Variants in ASAP1 observed in about 807,000 individuals in gnomAD.
ASAP1 encodes the protein ArfGAP with SH3 domain, ankyrin repeat and PH domain 1.
In ASAP1, 43 loss-of-function variants were observed where a neutral mutation model predicts 145.2. That is an observed-to-expected ratio of 0.30 (90% confidence interval 0.23 to 0.38). ASAP1 has a LOEUF of 0.38. Ranked by LOEUF, ASAP1 falls within the 10% of genes least tolerant of loss-of-function variation. The pLI is 1.00. For synonymous variants in ASAP1, 546 were observed against 515.5 expected (o/e 1.06, Z -0.80); for missense variants, 1,018 against 1,355.3 (o/e 0.75, Z 3.91).
Position 130,058,024 on chromosome 8 carries a change from T to C in ASAP1, c.3245A>G (p.Asn1082Ser). The change falls in exon 29 of 30, where the codon AAC becomes AGC. Residue 1082 changes from asparagine (N) to serine (S), a missense_variant. This residue lies in a region of ASAP1 where 62 missense variants were observed against 97.8 expected (regional missense o/e 0.63). Transcript: ENST00000518721. ...CTCGATGAATGTGAGCTCGTCATCGTTGTCTGCCTGGCAGTCATAAATGGT... is the reference window on the plus strand; with the variant it reads ...CTCGATGAATGTGAGCTCGTCATCGCTGTCTGCCTGGCAGTCATAAATGGT... Reference protein sequence around the residue: ...VKTIYDCQADNDDELTFIEGE... With the variant: ...VKTIYDCQADSDDELTFIEGE... 1 of 1,614,250 alleles carries C rather than the reference T, an allele frequency of 6.2e-7. No homozygotes were observed. The highest frequency in any genetic ancestry group is 8.5e-7 in the Non-Finnish European group (1 of 1,180,032).
rs1016059150 is a variant in ASAP1 at position 130,161,737 on chromosome 8, C to T, written c.910-1773G>A. Among the ~76,000 whole-genome samples the T allele has an allele frequency of 1.1e-3, 175 of 152,294 alleles. 2 individuals carry two copies. Among genetic ancestry groups the T allele is most frequent in the Non-Finnish European group, 6.5e-4 (44 of 68,030 alleles). On this transcript the variant is annotated intron_variant, in intron 11 of 29. Coordinates refer to ENST00000518721, the MANE Select transcript of ASAP1 (RefSeq NM_018482.4). ...TATTAATCATTTGGGAGAGATGAGG[C>T]ATGGACTTGAATCTAGGATTTTCTT... is the stretch of plus-strand genomic sequence containing the variant.
intron 2 of ASAP1, among the ~76,000 whole-genome samples, chr8:130,391,613 G>A (rs2138486551): frequency 6.6e-6 from 1 of 152,316 alleles, no homozygotes; most frequent in Middle Eastern, 3.4e-3. Flanking sequence ...CTAGGGGACA[G>A]GAGAGGTCAA....
chr8:130,375,467 GA>G (rs1020617193), intron 2 of ASAP1, among the ~76,000 whole-genome samples: 1 of 151,858 alleles, frequency 6.6e-6, no homozygotes, highest in Admixed American at 6.6e-5. Flanking sequence ...GGCTGAGGCT[GA>G]AGGACTGCTT....
intron 1 of ASAP1, among the ~76,000 whole-genome samples, chr8:130,432,178 G>C (rs1363478291): frequency 6.9e-6 from 1 of 144,434 alleles, no homozygotes; most frequent in Non-Finnish European, 1.5e-5. Context: ...GGGAAAGGGG[G>C]AGAAGGGAGA....
chr8:130,403,301 T>TTTTTA (rs60441663), intron 1 of ASAP1, among the ~76,000 whole-genome samples: 13 of 150,994 alleles, frequency 8.6e-5, no homozygotes, highest in African/African-American at 3.2e-4. Context: ...TGTTTTTTTT[T>TTTTTA]AAAAAACCCA....
At chr8:130,269,425 A>G (rs957950628) in intron 3 of ASAP1, among the ~76,000 whole-genome samples, 5 of 152,238 alleles carry the variant, frequency 3.3e-5, no homozygotes, top group Admixed American at 6.5e-5. Flanking sequence ...TCCTGAGAAT[A>G]CAGATAGTGA....
chr8:130,095,914 C>T lies in ASAP1; in HGVS notation c.2402-3771G>A, dbSNP rs566905470. On this transcript the variant is annotated intron_variant, in intron 24 of 29. Coordinates refer to ENST00000518721, the MANE Select transcript of ASAP1 (RefSeq NM_018482.4). Reference sequence around the variant, plus strand: ...GATTACAGGCGTGAGTCACAGTGCCCGGCCAGGCCAGTAATTCTTAAGGAG... The same window carrying T: ...GATTACAGGCGTGAGTCACAGTGCCTGGCCAGGCCAGTAATTCTTAAGGAG... Among the ~76,000 whole-genome samples the T allele has an allele frequency of 2.6e-5, 4 of 152,230 alleles. No homozygotes were observed. The South Asian group carries it at 6.2e-4, about 24-fold the overall frequency.
chr8:130,117,150 C>T (rs919051171), intron 20 of ASAP1, among the ~76,000 whole-genome samples, 155 bp from the exon 21 acceptor site: 13 of 152,134 alleles, frequency 8.5e-5, no homozygotes, highest in Non-Finnish European at 1.0e-4. Context: ...GATTTATAAG[C>T]AATACAGTGA....
intron 3 of ASAP1, among the ~76,000 whole-genome samples, chr8:130,287,772 G>A (rs1241607241): frequency 6.6e-6 from 1 of 152,152 alleles, no homozygotes; most frequent in Non-Finnish European, 1.5e-5. Flanking sequence ...AACTATTTGT[G>A]CCCTTTAACA....
At chr8:130,304,567 GTCT>G (rs767166362) in intron 3 of ASAP1, among the ~76,000 whole-genome samples, 4 of 152,164 alleles carry the variant, frequency 2.6e-5, no homozygotes, top group Admixed American at 6.5e-5. Context: ...ACAACCAATA[GTCT>G]TCTATGCATC....
chr8:130,105,763 A>C (rs2097535922), intron 24 of ASAP1, among the ~76,000 whole-genome samples: 1 of 152,206 alleles, frequency 6.6e-6, no homozygotes, highest in Admixed American at 6.5e-5. Flanking sequence ...CTGGGACACT[A>C]GTGTAAGTCA....
chr8:130,262,416 A>AAGAG lies in ASAP1; in HGVS notation c.187-25426_187-25423dup, dbSNP rs71513089. On this transcript the variant is annotated intron_variant, in intron 3 of 29. Coordinates refer to ENST00000518721, the MANE Select transcript of ASAP1 (RefSeq NM_018482.4). ...TCAAAAAAAAAAAAAAAAAAAAAAAAAGAGAGAGAGAGAGAGAGAGAGAGA... is the reference window on the plus strand; with the variant it reads ...TCAAAAAAAAAAAAAAAAAAAAAAAAAGAGAGAGAGAGAGAGAGAGAGAGAGAGA... Among the ~76,000 whole-genome samples the AAGAG allele has an allele frequency of 5.3e-3, 309 of 57,826 alleles. 2 individuals carry two copies. Among genetic ancestry groups the AAGAG allele is most frequent in the African/African-American group, 6.2e-3 (91 of 14,736 alleles). The allele number at this position is 57,826 out of a possible 152,430, so 37.9% of individuals were successfully genotyped here. A position where few individuals can be genotyped will look rare whatever the true frequency, so the allele number is the denominator to read the frequency against.
At chr8:130,167,401 C>T in intron 11 of ASAP1, 135 bp downstream of exon 11, 1 of 811,456 alleles carries the variant, frequency 1.2e-6, no homozygotes. Context: ...ACAGTTTCTA[C>T]ATGGGGCTTA....
chr8:130,257,755 A>G (rs961383771), intron 3 of ASAP1, among the ~76,000 whole-genome samples: 2 of 150,100 alleles, frequency 1.3e-5, no homozygotes, highest in Admixed American at 1.4e-4. Context: ...CTTTAACACA[A>G]TATTTTCTAA....
At chr8:130,416,268 A>G (rs1398486224) in intron 1 of ASAP1, among the ~76,000 whole-genome samples, 1 of 152,210 alleles carries the variant, frequency 6.6e-6, no homozygotes, top group Non-Finnish European at 1.5e-5. Context: ...GCAAAAGAGC[A>G]TTGTAAGCAA....
chr8:130,278,378 GAAAAAA>G (rs138858386), intron 3 of ASAP1, among the ~76,000 whole-genome samples: 1 of 145,438 alleles, frequency 6.9e-6, no homozygotes, highest in African/African-American at 2.5e-5. Context: ...TGTGCTAAAT[GAAAAAA>G]AAAAGAAAAA....
intron 15 of ASAP1, among the ~76,000 whole-genome samples, chr8:130,132,083 GAGA>G (rs929231390): frequency 1.4e-4 from 21 of 152,188 alleles, no homozygotes; most frequent in African/African-American, 5.1e-4. Flanking sequence ...AATGAAATCG[GAGA>G]AGGAGAAACA....
chr8:130,077,227 G>C (rs779751923), intron 26 of ASAP1, among the ~76,000 whole-genome samples: 14 of 152,186 alleles, frequency 9.2e-5, no homozygotes, highest in Non-Finnish European at 1.6e-4. Context: ...TTTCCTTTTG[G>C]AGGACAGGTA....
intron 3 of ASAP1, among the ~76,000 whole-genome samples, chr8:130,252,373 A>G (rs1400939076): frequency 6.6e-6 from 1 of 152,218 alleles, no homozygotes; most frequent in Admixed American, 6.5e-5. Flanking sequence ...TTCTTTTAAA[A>G]TAATTTCCTT....
Sources: gnomAD v4.1 joint callset for allele counts (sites outside exome capture counted in the v4.1 genomes callset) on GRCh38, gnomAD v4.1.1 for gene constraint, gnomAD v4.1.1 regional missense constraint, MANE v1.5 for transcripts, NCBI Gene and HGNC (gene_info 2026-07-23, HGNC 2026-07-21) for gene names.